KAT2B: variants seen among roughly 807,000 people sequenced by gnomAD.
KAT2B encodes the protein histone acetyltransferase KAT2B.
In KAT2B, 36 loss-of-function variants were observed where a neutral mutation model predicts 105.9. That is an observed-to-expected ratio of 0.34 (90% confidence interval 0.26 to 0.45). The LOEUF (loss-of-function observed/expected upper bound fraction) is 0.45, where lower values mean the gene tolerates loss of function less well. KAT2B is among the 20% of genes least tolerant of loss of function. The pLI is 1.00. For missense variants in KAT2B, 820 were observed against 1,021.6 expected (o/e 0.80, Z 2.69); for synonymous variants, 397 against 377.9 (o/e 1.05, Z -0.59).
chr3:20,142,203 T>C (rs9310611), intron 13 of KAT2B, among the ~76,000 whole-genome samples: 14,034 of 152,170 alleles, frequency 0.092, 1,580 homozygotes, highest in African/African-American at 0.27. Context: ...TTTAGATGGC[T>C]AACAAAGCAG....
chr3:20,080,923 C>T (rs1280316746), intron 2 of KAT2B, among the ~76,000 whole-genome samples: 7 of 152,186 alleles, frequency 4.6e-5, no homozygotes, highest in Non-Finnish European at 8.8e-5. Context: ...AACACAGCTA[C>T]TGGAATACTT....
At chr3:20,118,080 C>A (rs1262187280) in intron 7 of KAT2B, among the ~76,000 whole-genome samples, 1 of 150,026 alleles carries the variant, frequency 6.7e-6, no homozygotes, top group East Asian at 1.9e-4. Context: ...TCTATCCCTT[C>A]TTTTTCTCTT....
At chr3:20,125,166 A>G (rs1021680391) in intron 9 of KAT2B, among the ~76,000 whole-genome samples, 4 of 152,174 alleles carry the variant, frequency 2.6e-5, no homozygotes, top group Non-Finnish European at 5.9e-5. Flanking sequence ...ACTAAAAAAT[A>G]CAAAAAATTA....
At chr3:20,131,750 G>T (rs1013942628) in intron 11 of KAT2B, among the ~76,000 whole-genome samples, 20 of 151,956 alleles carry the variant, frequency 1.3e-4, no homozygotes, top group African/African-American at 4.3e-4. Context: ...TTTTTGTAGA[G>T]ATAGGGTCTC....
intron 11 of KAT2B, among the ~76,000 whole-genome samples, chr3:20,128,629 T>A (rs1699452631): frequency 1.3e-5 from 2 of 152,176 alleles, no homozygotes; most frequent in Admixed American, 1.3e-4. Flanking sequence ...GACTCTGAAT[T>A]GACAGAAAGA....
chr3:20,080,523 C>CT (rs2125186890), intron 2 of KAT2B, among the ~76,000 whole-genome samples: 1 of 152,228 alleles, frequency 6.6e-6, no homozygotes, highest in East Asian at 1.9e-4. Context: ...TAAGAGTTGA[C>CT]TTTTTCTCTA....
intron 8 of KAT2B, among the ~76,000 whole-genome samples, chr3:20,120,983 A>G (rs80265746): frequency 6.6e-6 from 1 of 151,908 alleles, no homozygotes. Flanking sequence ...CAGACTTTTT[A>G]AAAAAAATCA....
At chr3:20,088,067 TG>T (rs1224954126) in intron 2 of KAT2B, among the ~76,000 whole-genome samples, 16 of 152,314 alleles carry the variant, frequency 1.1e-4, no homozygotes, top group African/African-American at 3.8e-4. Flanking sequence ...TGTGAGCCAC[TG>T]TGCCTGGCCA....
chr3:20,073,825 A>G (rs982884877), intron 2 of KAT2B, among the ~76,000 whole-genome samples: 5 of 152,268 alleles, frequency 3.3e-5, no homozygotes, highest in Non-Finnish European at 5.9e-5. Context: ...GTCTGGACTC[A>G]AGAAATCCTT....
intron 2 of KAT2B, among the ~76,000 whole-genome samples, chr3:20,090,564 C>T (rs1698698667): frequency 6.6e-6 from 1 of 152,110 alleles, no homozygotes; most frequent in African/African-American, 2.4e-5. Context: ...GTGAAGGATT[C>T]TTTTAATCTG....
chr3:20,068,984 G>A (rs1698272336), intron 1 of KAT2B, among the ~76,000 whole-genome samples: 1 of 152,178 alleles, frequency 6.6e-6, no homozygotes, highest in Non-Finnish European at 1.5e-5. Context: ...AATAAGGGTG[G>A]TTTCCTCTGA....
chr3:20,121,286 A>G (rs1379707045), intron 8 of KAT2B, among the ~76,000 whole-genome samples: 1 of 152,238 alleles, frequency 6.6e-6, no homozygotes, highest in African/African-American at 2.4e-5. Flanking sequence ...TGAGAATGCT[A>G]TGTGGAGAAT....
At chr3:20,130,007 T>G (rs1315416305) in intron 11 of KAT2B, among the ~76,000 whole-genome samples, 1 of 151,966 alleles carries the variant, frequency 6.6e-6, no homozygotes, top group African/African-American at 2.4e-5. Context: ...TGAGACAGAG[T>G]CTTGCTCTTT....
intron 2 of KAT2B, among the ~76,000 whole-genome samples, chr3:20,094,641 G>A (rs552534468): frequency 6.6e-6 from 1 of 152,320 alleles, no homozygotes; most frequent in African/African-American, 2.4e-5. Flanking sequence ...AGATGCAAAA[G>A]TGGGTTTGCA....
In KAT2B at chr3:20,113,617, G is replaced by A. The variant is rs375143954; in HGVS notation, c.1044-1265G>A. Among the ~76,000 whole-genome samples, 18 of 152,160 alleles carry A rather than the reference G, an allele frequency of 1.2e-4. No homozygotes were observed. In the East Asian group the frequency reaches 1.5e-3, roughly 13 times the overall value. On this transcript the variant is annotated intron_variant, in intron 6 of 17. Transcript: ENST00000263754. ...TTCACCGAATATGACAACATTTAAG[G>A]CTATTGGGGATTTATACCTACAGTT...
Position 20,149,495 on chromosome 3 carries a change from CAAA to C in KAT2B, c.2305+1031_2305+1033del, listed in dbSNP as rs56091316. Among the ~76,000 whole-genome samples, 379 of 42,422 alleles carry C rather than the reference CAAA, an allele frequency of 8.9e-3. 4 individuals are homozygous for C. Among genetic ancestry groups the C allele is most frequent in the East Asian group, 0.037 (19 of 516 alleles). 27.8% of individuals were successfully genotyped at this position (42,422 alleles called of 152,430 possible). A position where few individuals can be genotyped will look rare whatever the true frequency, so the allele number is the denominator to read the frequency against. ...TGGGCACTGGAGGGAGACCGTATCT[CAAA>C]AAAAAAAAAAAAAAAAAAAAAATTG... On this transcript the variant is annotated intron_variant, in intron 17 of 17. Transcript: ENST00000263754.
chr3:20,072,253 T>C (rs1260363495), intron 1 of KAT2B, 80 bp from the exon 2 acceptor site: 5 of 1,389,008 alleles, frequency 3.6e-6, no homozygotes, highest in South Asian at 1.2e-5. Flanking sequence ...ATATAATTAG[T>C]GTACATTGTT....
chr3:20,062,111 T>TTA (rs1188323147), intron 1 of KAT2B, among the ~76,000 whole-genome samples: 1,199 of 52,698 alleles, frequency 0.023, 78 homozygotes, highest in African/African-American at 0.098. Context: ...ATAATATATA[T>TTA]TATATAAAAC....
At chr3:20,123,725 C>G (rs1407986801) in intron 9 of KAT2B, among the ~76,000 whole-genome samples, 3 of 152,164 alleles carry the variant, frequency 2.0e-5, no homozygotes, top group Non-Finnish European at 4.4e-5. Context: ...TAAAACAACT[C>G]CCCAGCCTTG....
Sources: gnomAD v4.1 joint callset for allele counts (sites outside exome capture counted in the v4.1 genomes callset) on GRCh38, gnomAD v4.1.1 for gene constraint, MANE v1.5 for transcripts, NCBI Gene and HGNC (gene_info 2026-07-23, HGNC 2026-07-21) for gene names.